SYNE2: variants seen among roughly 807,000 people sequenced by gnomAD.
SYNE2 encodes nesprin-2.
A neutral mutation model predicts 856.3 loss-of-function variants in SYNE2; 431 were observed. That is an observed-to-expected ratio of 0.50 (90% confidence interval 0.47 to 0.55). SYNE2 has a LOEUF of 0.55. Ranked by LOEUF, SYNE2 falls within the 20% of genes least tolerant of loss-of-function variation. The pLI is 0.00. For missense variants in SYNE2, 8,129 were observed against 8,023.2 expected (o/e 1.01, Z -0.50); for synonymous variants, 2,923 against 2,872.3 (o/e 1.02, Z -0.56).
chr14:64,025,016 C>G lies in SYNE2; in HGVS notation c.5945C>G (p.Ala1982Gly). 1 of 1,614,014 alleles carries G rather than the reference C, an allele frequency of 6.2e-7. No individual in the cohort carries two copies. Among genetic ancestry groups the G allele is most frequent in the Non-Finnish European group, 8.5e-7 (1 of 1,179,950 alleles). Residue 1982 changes from alanine to glycine, a missense_variant, in exon 40 of 116, where the codon GCT becomes GGT. By Grantham distance (60) the Ala-to-Gly change is moderately conservative (BLOSUM62 0). This residue lies in a region of SYNE2 where 2,422 missense variants were observed against 2,357.4 expected (regional missense o/e 1.03). Coordinates refer to ENST00000555002, the MANE Select transcript of SYNE2 (RefSeq NM_182914.3). ...PGEKTELFCQ[A>G]LARKREQFES... ...GAGAAAACTGAGCTGTTCTGCCAAG[C>G]TTTAGCTAGAAAGAGGTATAGCTGA...
chr14:64,049,429 A>AAACAATAAT lies in SYNE2; in HGVS notation c.7378-180_7378-179insCAATAATAA, dbSNP rs1555451301. On this transcript the variant is annotated intron_variant, in intron 46 of 115. Coordinates refer to ENST00000555002, the MANE Select transcript of SYNE2 (RefSeq NM_182914.3). Reference sequence around the variant, plus strand: ...ACCCTGCACTCCAGCCTGGGTGACAAAATAATAATAATAATAATAATAATA... The same window carrying AAACAATAAT: ...ACCCTGCACTCCAGCCTGGGTGACAAAACAATAATAATAATAATAATAATAATAATAATA... 1.8e-5 allele frequency: 3 copies of AAACAATAAT among 166,066 alleles called. No individual in the cohort carries two copies. In the Admixed American group the frequency reaches 2.1e-4, roughly 11 times the overall value. 10.3% of individuals were successfully genotyped at this position (166,066 alleles called of 1,614,324 possible). A position where few individuals can be genotyped will look rare whatever the true frequency, so the allele number is the denominator to read the frequency against.
rs540356646 is a variant in SYNE2, at chr14:64,167,516, G to A, written c.16782G>A (p.Leu5594=). 1.7e-5 allele frequency: 27 copies of A among 1,614,192 alleles called. No individual in the cohort carries two copies. Among genetic ancestry groups the A allele is most frequent in the South Asian group, 1.4e-4 (13 of 91,076 alleles). ...GTAGTGAGCTTCAGGGAATTGGATT[G>A]AATGAAAAGTTTCTTTATTGCTGTG... is the stretch of plus-strand genomic sequence containing the variant. ...ERCSELQGIG[L]NEKFLYCCEK... is the part of the protein sequence containing the mutation. Residue 5594 remains leucine, a synonymous_variant, in exon 92 of 116, where the codon TTG becomes TTA. Transcript: ENST00000555002.
At chr14:63,914,543 A>G (rs1566788290) in intron 2 of SYNE2, among the ~76,000 whole-genome samples, 1 of 152,158 alleles carries the variant, frequency 6.6e-6, no homozygotes, top group Admixed American at 6.5e-5. Flanking sequence ...GGAGAAACCT[A>G]TTAGGAAGTA....
intron 101 of SYNE2, chr14:64,209,184 C>A: frequency 1.2e-6 from 1 of 810,468 alleles, no homozygotes; most frequent in South Asian, 1.7e-5. Context: ...TTCCGTTGAC[C>A]TAGCTGGGCA....
At chr14:63,785,556 A>G (rs193103482) in intron 1 of SYNE2, among the ~76,000 whole-genome samples, 1 of 152,328 alleles carries the variant, frequency 6.6e-6, no homozygotes, top group Non-Finnish European at 1.5e-5. Flanking sequence ...AAACCTGTTC[A>G]TGAAGTAATT....
At position 64,218,398 on chromosome 14, in the gene SYNE2, G is replaced by A. The variant is rs1419279690; in HGVS notation, c.19543G>A (p.Gly6515Arg). ...TAACTTAAAAACTGGCTCATTCTAG[G>A]GAAAGCTACTATTACCTCCAGGCAC... ...ASSTPYKPPY[G>R]KLLLPPGTDG... Residue 6515 changes from glycine to arginine, a missense_variant and splice_region_variant, in exon 109 of 116, where the codon GGA (glycine) becomes AGA (arginine). Around this residue, in one of 3 missense-constraint regions of SYNE2, gnomAD observed 5,410 missense variants for 5,284.8 expected, o/e 1.02. Transcript: ENST00000555002. 2.5e-6 allele frequency: 4 copies of A among 1,613,860 alleles called. No homozygotes were observed. Among genetic ancestry groups the A allele is most frequent in the Non-Finnish European group, 3.4e-6 (4 of 1,179,942 alleles).
intron 1 of SYNE2, among the ~76,000 whole-genome samples, chr14:63,859,096 G>T (rs978573471): frequency 6.6e-6 from 1 of 151,992 alleles, no homozygotes; most frequent in Admixed American, 6.6e-5. Flanking sequence ...GTGTAGGGAC[G>T]AGGGGCATTT....
intron 2 of SYNE2, among the ~76,000 whole-genome samples, chr14:63,936,216 C>A (rs1161430345): frequency 6.6e-6 from 1 of 152,184 alleles, no homozygotes; most frequent in Non-Finnish European, 1.5e-5. Flanking sequence ...TTAGGGCCTA[C>A]ACTGGGCCAA....
At chr14:63,960,850 G>T (rs1210862011) in intron 8 of SYNE2, 3 of 737,860 alleles carry the variant, frequency 4.1e-6, no homozygotes, top group South Asian at 2.8e-5. Context: ...TTTGAGACCA[G>T]ACTGGACAAC....
At chr14:63,786,079 G>A (rs867490786) in intron 1 of SYNE2, among the ~76,000 whole-genome samples, 8 of 151,976 alleles carry the variant, frequency 5.3e-5, no homozygotes, top group African/African-American at 1.9e-4. Context: ...GGTGAATCCC[G>A]TCTCTACTAA....
chr14:63,781,752 C>T (rs1030060324), intron 1 of SYNE2, among the ~76,000 whole-genome samples: 5 of 152,030 alleles, frequency 3.3e-5, no homozygotes, highest in Non-Finnish European at 5.9e-5. Context: ...ACACCAATAG[C>T]AGTGAGCACA....
In SYNE2 at chr14:64,052,285, A is replaced by G. The variant is rs1375213180; in HGVS notation, c.8372A>G (p.Asp2791Gly). ...GAATCGTTGGCTGAAGAGGTCAAAG[A>G]TAAGGTTCCTAGCCTTACAACCTAT... is the stretch of plus-strand genomic sequence containing the variant. ...SVESLAEEVK[D>G]KVPSLTTYEG... Residue 2791 changes from aspartate to glycine, a missense_variant, in exon 48 of 116, where the codon GAT (aspartate) becomes GGT (glycine). Transcript: ENST00000555002. The G allele has an allele frequency of 6.2e-7, 1 of 1,614,094 alleles. No homozygotes were observed. Among genetic ancestry groups the G allele is most frequent in the Non-Finnish European group, 8.5e-7 (1 of 1,180,054 alleles).
At position 64,032,314 on chromosome 14, in the gene SYNE2, T is replaced by C. The variant is rs1000247802; in HGVS notation, c.7221+957T>C. Among the ~76,000 whole-genome samples the C allele has an allele frequency of 3.9e-5, 6 of 152,170 alleles. No individual in the cohort carries two copies. In the East Asian group the frequency reaches 5.8e-4, roughly 15 times the overall value. On this transcript the variant is annotated intron_variant, in intron 45 of 115. Transcript: ENST00000555002. Reference sequence around the variant, plus strand: ...GTCAGGCCGGGCATGGTGGCTCACATCTGTAATCCTAGCACTTTGAGAGGC... The same window carrying C: ...GTCAGGCCGGGCATGGTGGCTCACACCTGTAATCCTAGCACTTTGAGAGGC...
chr14:64,018,900 T>A (rs1230954898), intron 34 of SYNE2, among the ~76,000 whole-genome samples: 1 of 152,208 alleles, frequency 6.6e-6, no homozygotes, highest in Non-Finnish European at 1.5e-5. Flanking sequence ...CTGGAAAGAA[T>A]CAAAGTTATT....
At chr14:63,833,701 T>A (rs1377714454) in intron 1 of SYNE2, among the ~76,000 whole-genome samples, 2 of 152,230 alleles carry the variant, frequency 1.3e-5, no homozygotes, top group Non-Finnish European at 2.9e-5. Context: ...TACAATGTGC[T>A]TTGTACCCTT....
chr14:63,780,741 A>G (rs916342014), intron 1 of SYNE2, among the ~76,000 whole-genome samples: 1 of 152,238 alleles, frequency 6.6e-6, no homozygotes, highest in Admixed American at 6.5e-5. Context: ...GCCTACATCA[A>G]CTTGCCTGAA....
At chr14:63,798,688 C>G (rs1245942441) in intron 1 of SYNE2, among the ~76,000 whole-genome samples, 1 of 152,136 alleles carries the variant, frequency 6.6e-6, no homozygotes, top group East Asian at 1.9e-4. Context: ...GCCACCACGC[C>G]TGGCCTGAAA....
intron 6 of SYNE2, among the ~76,000 whole-genome samples, chr14:63,942,952 A>G (rs959554014): frequency 6.6e-6 from 1 of 152,218 alleles, no homozygotes; most frequent in African/African-American, 2.4e-5. Context: ...TTCAATTGAA[A>G]GTTGAATGCT....
intron 73 of SYNE2, 150 bp from the exon 74 acceptor site, chr14:64,128,302 G>A (rs1474031727): frequency 4.9e-6 from 3 of 615,242 alleles, no homozygotes; most frequent in African/African-American, 1.9e-5. Flanking sequence ...AATAATTGTT[G>A]AAGTTTAATG....
Sources: allele counts gnomAD v4.1 joint callset (sites outside exome capture counted in the v4.1 genomes callset), GRCh38; gene constraint gnomAD v4.1.1; regional missense constraint gnomAD v4.1.1; transcripts MANE v1.5; gene names NCBI Gene and HGNC (gene_info 2026-07-23, HGNC 2026-07-21).